Variants in PAPSS2 observed in about 807,000 individuals in gnomAD.
PAPSS2 encodes the protein bifunctional 3'-phosphoadenosine 5'-phosphosulfate synthase 2.
A neutral mutation model predicts 66.5 loss-of-function variants in PAPSS2; 61 were observed. That is an observed-to-expected ratio of 0.92 (90% confidence interval 0.75 to 1.14). The LOEUF is 1.14. PAPSS2 is among the 50% of genes most tolerant of loss of function. The pLI is 0.00. For missense variants in PAPSS2, 708 were observed against 789.6 expected, an observed-to-expected ratio of 0.90 and a Z score of 1.24; for synonymous variants, 289 against 287.5, an observed-to-expected ratio of 1.01 and a Z score of -0.05.
At chr10:87,693,674 C>G (rs1203787415) in intron 1 of PAPSS2, among the ~76,000 whole-genome samples, 3 of 152,190 alleles carry the variant, frequency 2.0e-5, no homozygotes, top group Non-Finnish European at 4.4e-5. Flanking sequence ...GATTTCAGCA[C>G]TAACTGAAAT....
intron 1 of PAPSS2, among the ~76,000 whole-genome samples, chr10:87,685,606 C>T (rs922393213): frequency 5.3e-5 from 8 of 152,258 alleles, no homozygotes; most frequent in South Asian, 4.2e-4. Context: ...ATCGCTTGAG[C>T]CTGGGAGGTT....
At chr10:87,685,404 G>T (rs1853075356) in intron 1 of PAPSS2, among the ~76,000 whole-genome samples, 2 of 152,156 alleles carry the variant, frequency 1.3e-5, no homozygotes, top group Non-Finnish European at 2.9e-5. Flanking sequence ...TTAGAAAATT[G>T]TCAGGCTGAG....
rs970530127 is a variant in PAPSS2, at chr10:87,674,677, AAG to A, written c.27+14672_27+14673del. Among the ~76,000 whole-genome samples the A allele has an allele frequency of 1.1e-4, 17 of 152,314 alleles. No homozygotes were observed. The East Asian group carries it at 1.3e-3, about 12-fold the overall frequency. ...TTAAGATCTATAAAAAGATCTATAA[AAG>A]AGTTATAAAAATACTTCAAAATTAA... On this transcript the variant is annotated intron_variant, in intron 1 of 12. Transcript: ENST00000456849.
Position 87,745,882 on chromosome 10 carries a change from G to A in PAPSS2, c.1772G>A (p.Arg591Gln), listed in dbSNP as rs749884085. ...GGAACTCGAATGAGGAAGCTCGCCC[G>A]GGAAGGAGAGAATCCCCCAGATGGC... Reference protein sequence around the residue: ...ISGTRMRKLAREGENPPDGFM... With the variant: ...ISGTRMRKLAQEGENPPDGFM... Residue 591 changes from arginine (R) to glutamine (Q), a missense_variant, in exon 13 of 13, where the codon CGG becomes CAG. Transcript: ENST00000456849. 10 of 1,613,884 alleles carry A rather than the reference G, an allele frequency of 6.2e-6. No homozygotes were observed. In the East Asian group the frequency reaches 6.7e-5, roughly 11 times the overall value.
Position 87,659,905 on chromosome 10 carries a change from T to TGCTGCCGCCGCC in PAPSS2, c.-75_-74insTGCCGCCGCCGC, listed in dbSNP as rs1044981983. The TGCTGCCGCCGCC allele has an allele frequency of 9.8e-6, 14 of 1,423,750 alleles. No homozygotes were observed. The highest frequency in any genetic ancestry group is 1.8e-4 in the Middle Eastern group (1 of 5,650). The allele number at this position is 1,423,750 out of a possible 1,614,324, so 88.2% of individuals were successfully genotyped here. ...CCGCTGCTGCTGCTGCTGCTGCTGCTGCCGCCGCCGCCGCCGCCGTCCCTG... is the reference window on the plus strand; with the variant it reads ...CCGCTGCTGCTGCTGCTGCTGCTGCTGCTGCCGCCGCCGCCGCCGCCGCCGCCGCCGTCCCTG... On this transcript the variant is annotated 5_prime_UTR_variant, in exon 1 of 13. Coordinates refer to ENST00000456849, the MANE Select transcript of PAPSS2 (RefSeq NM_001015880.2).
rs1478829641 is a variant in PAPSS2 at position 87,660,288 on chromosome 10, C to G, written c.27+280C>G. ...ACCTCCCGAGCTTCTCAAGTGGGTC[C>G]GGATCTAGATCCAGGACCAGGGACA... On this transcript the variant is annotated intron_variant, in intron 1 of 12. Coordinates refer to ENST00000456849, the MANE Select transcript of PAPSS2 (RefSeq NM_001015880.2). 5.1e-6 allele frequency: 3 copies of G among 587,728 alleles called. No homozygotes were observed. The South Asian group carries it at 6.1e-5, about 12-fold the overall frequency. 36.4% of individuals were successfully genotyped at this position (587,728 alleles called of 1,614,324 possible).
intron 9 of PAPSS2, among the ~76,000 whole-genome samples, chr10:87,740,940 T>A (rs1391851189): frequency 1.3e-5 from 2 of 152,214 alleles, no homozygotes; most frequent in Non-Finnish European, 2.9e-5. Flanking sequence ...TAATGTTAGC[T>A]TTAGATGGAT....
At chr10:87,720,355 C>T (rs550187985) in intron 7 of PAPSS2, among the ~76,000 whole-genome samples, 55 of 152,286 alleles carry the variant, frequency 3.6e-4, no homozygotes, top group Admixed American at 1.5e-3. Context: ...CCATTTGAAA[C>T]GCAGCAACAG....
intron 1 of PAPSS2, among the ~76,000 whole-genome samples, chr10:87,660,632 TTGAGGAGG>T (rs1852738455): frequency 6.6e-6 from 1 of 151,928 alleles, no homozygotes; most frequent in Non-Finnish European, 1.5e-5. Context: ...GGGGACTGTG[TTGAGGAGG>T]CACACTTTTA....
rs1853901158 is a variant in PAPSS2, at chr10:87,743,628, C to T, written c.1478C>T (p.Ala493Val). ...ATCTTTCCGTCTCCCATGTTATATG[C>T]TGGCCCCACAGAGGTGAGCAATTCC... is the stretch of plus-strand genomic sequence containing the variant. Reference protein sequence around the residue: ...VAIFPSPMLYAGPTEVQWHCR... With the variant: ...VAIFPSPMLYVGPTEVQWHCR... Residue 493 changes from alanine (A) to valine (V), a missense_variant, in exon 11 of 13, where the codon GCT (alanine) becomes GTT (valine). Ala to Val is a moderately conservative substitution (Grantham distance 64). Coordinates refer to ENST00000456849, the MANE Select transcript of PAPSS2 (RefSeq NM_001015880.2). 6.2e-7 allele frequency: 1 copy of T among 1,614,186 alleles called. No individual in the cohort carries two copies. Among genetic ancestry groups the T allele is most frequent in the Middle Eastern group, 1.6e-4 (1 of 6,062 alleles).
At chr10:87,666,485 T>A (rs540274589) in intron 1 of PAPSS2, among the ~76,000 whole-genome samples, 2 of 152,116 alleles carry the variant, frequency 1.3e-5, no homozygotes, top group Non-Finnish European at 2.9e-5. Flanking sequence ...AGATAGCTAG[T>A]CAAAAATCTT....
intron 1 of PAPSS2, among the ~76,000 whole-genome samples, chr10:87,668,758 T>C (rs1236054822): frequency 6.6e-6 from 1 of 152,090 alleles, no homozygotes; most frequent in Non-Finnish European, 1.5e-5. Flanking sequence ...GCTCTTTATA[T>C]GACAGTTGAT....
chr10:87,680,913 T>C (rs1008868443), intron 1 of PAPSS2, among the ~76,000 whole-genome samples: 11 of 152,212 alleles, frequency 7.2e-5, no homozygotes, highest in South Asian at 2.1e-4. Context: ...GAGTCATTCA[T>C]ATTGTTTGTG....
At chr10:87,742,953 G>A (rs1209481429) in intron 10 of PAPSS2, among the ~76,000 whole-genome samples, 1 of 152,214 alleles carries the variant, frequency 6.6e-6, no homozygotes, top group African/African-American at 2.4e-5. Flanking sequence ...ATTATCAGAA[G>A]CCAGTGGATA....
Position 87,659,886 on chromosome 10 carries a change from CT to C in PAPSS2, c.-95del. 1 of 1,225,560 alleles carries C rather than the reference CT, an allele frequency of 8.2e-7. No homozygotes were observed. The highest frequency in any genetic ancestry group is 1.7e-5 in the Admixed American group (1 of 57,188). 75.9% of individuals were successfully genotyped at this position (1,225,560 alleles called of 1,614,324 possible). A position where few individuals can be genotyped will look rare whatever the true frequency, so the allele number is the denominator to read the frequency against. ...CTTCCCGGGAGTCCGGCAGCCGCTG[CT>C]GCTGCTGCTGCTGCTGCTGCCGCCG... On this transcript the variant is annotated 5_prime_UTR_variant, in exon 1 of 13. Coordinates refer to ENST00000456849, the MANE Select transcript of PAPSS2 (RefSeq NM_001015880.2).
intron 6 of PAPSS2, 96 bp downstream of exon 6, chr10:87,715,194 G>A: frequency 1.3e-6 from 1 of 754,476 alleles, no homozygotes; most frequent in Non-Finnish European, 2.4e-6. Flanking sequence ...TATAAATAAG[G>A]TGCACATAAT....
chr10:87,745,576 A>C (rs192053999), intron 12 of PAPSS2, among the ~76,000 whole-genome samples: 323 of 152,014 alleles, frequency 2.1e-3, no homozygotes, highest in Middle Eastern at 3.4e-3. Flanking sequence ...AGAAGTAGGC[A>C]GAGAAACAGA....
At chr10:87,689,954 G>A (rs778930753) in intron 1 of PAPSS2, among the ~76,000 whole-genome samples, 1 of 152,128 alleles carries the variant, frequency 6.6e-6, no homozygotes, top group African/African-American at 2.4e-5. Context: ...ATACTCTGTG[G>A]CAATGCTGTT....
intron 1 of PAPSS2, among the ~76,000 whole-genome samples, chr10:87,707,600 C>T (rs191452156): frequency 1.3e-3 from 161 of 124,840 alleles, no homozygotes; most frequent in Middle Eastern, 6.8e-3. Context: ...GACAGGGTCT[C>T]GCTCTGTTGC....
Sources: allele counts gnomAD v4.1 joint callset (sites outside exome capture counted in the v4.1 genomes callset), GRCh38; gene constraint gnomAD v4.1.1; transcripts MANE v1.5; gene names NCBI Gene and HGNC (gene_info 2026-07-23, HGNC 2026-07-21).